NCAM2: variants seen among roughly 807,000 people sequenced by gnomAD.
The protein encoded by NCAM2 is N-CAM-2.
A neutral mutation model predicts 98.1 loss-of-function variants in NCAM2; 30 were observed. The observed-to-expected ratio is 0.31, with a 90% CI of 0.23 to 0.41. NCAM2 has a LOEUF of 0.41. Among genes scored for constraint, NCAM2 ranks in the 10% least tolerant of loss-of-function variants. The pLI is 1.00. For synonymous variants in NCAM2, 368 were observed against 342.4 expected, an observed-to-expected ratio of 1.07 and a Z score of -0.83; for missense variants, 867 against 1,005.8, an observed-to-expected ratio of 0.86 and a Z score of 1.87.
intron 1 of NCAM2, among the ~76,000 whole-genome samples, chr21:21,244,494 GT>G (rs2071185865): frequency 6.6e-6 from 1 of 151,942 alleles, no homozygotes; most frequent in African/African-American, 2.4e-5. Context: ...AAATAATTTT[GT>G]TTTTATTTGA....
At chr21:21,208,359 C>T (rs1202272223) in intron 1 of NCAM2, among the ~76,000 whole-genome samples, 1 of 152,054 alleles carries the variant, frequency 6.6e-6, no homozygotes, top group Non-Finnish European at 1.5e-5. Context: ...CTAATAAAAT[C>T]CAATCTGTAC....
chr21:21,203,614 T>C (rs527276135), intron 1 of NCAM2, among the ~76,000 whole-genome samples: 1 of 152,312 alleles, frequency 6.6e-6, no homozygotes, highest in East Asian at 1.9e-4. Flanking sequence ...TTGCATTTCC[T>C]AATACATACT....
At chr21:21,452,823 A>C (rs1444513241) in intron 12 of NCAM2, among the ~76,000 whole-genome samples, 1 of 102,892 alleles carries the variant, frequency 9.7e-6, no homozygotes, top group Non-Finnish European at 1.7e-5. Context: ...TATATTATAT[A>C]ATATATATAA....
intron 6 of NCAM2, among the ~76,000 whole-genome samples, chr21:21,328,030 A>T (rs999740220): frequency 4.6e-5 from 7 of 152,148 alleles, no homozygotes; most frequent in Non-Finnish European, 7.4e-5. Context: ...CATAAATTTA[A>T]TTTATTTTAA....
chr21:21,059,983 C>A (rs1267389535), intron 1 of NCAM2, among the ~76,000 whole-genome samples: 2 of 152,032 alleles, frequency 1.3e-5, no homozygotes, highest in African/African-American at 2.4e-5. Context: ...AAATGTCTAA[C>A]CCTGTGGATT....
At chr21:21,450,953 G>C (rs1318817602) in intron 12 of NCAM2, among the ~76,000 whole-genome samples, 3 of 144,662 alleles carry the variant, frequency 2.1e-5, no homozygotes, top group Non-Finnish European at 4.6e-5. Context: ...GGAGAAAGAA[G>C]TAGGAATATA....
chr21:21,164,333 T>G (rs987122047), intron 1 of NCAM2, among the ~76,000 whole-genome samples: 2 of 152,306 alleles, frequency 1.3e-5, no homozygotes, highest in South Asian at 2.1e-4. Context: ...TTGGAAAAAC[T>G]ATAGAAGTTT....
intron 1 of NCAM2, among the ~76,000 whole-genome samples, chr21:21,104,326 A>T (rs2146500200): frequency 6.6e-6 from 1 of 152,250 alleles, no homozygotes; most frequent in Admixed American, 6.5e-5. Flanking sequence ...TGTCAAATGC[A>T]AAATACATAG....
chr21:21,076,503 G>A (rs8128145), intron 1 of NCAM2, among the ~76,000 whole-genome samples: 32,148 of 151,992 alleles, frequency 0.21, 3,860 homozygotes, highest in African/African-American at 0.31. Context: ...CTGTCAGTTA[G>A]GTTTGAAACA....
chr21:21,492,576 C>T (rs2146311638), intron 15 of NCAM2, among the ~76,000 whole-genome samples: 1 of 151,818 alleles, frequency 6.6e-6, no homozygotes, highest in African/African-American at 2.4e-5. Context: ...TTGATAACAC[C>T]TTACTAAATT....
At chr21:21,393,786 A>C (rs1602204986) in intron 9 of NCAM2, among the ~76,000 whole-genome samples, 1 of 152,182 alleles carries the variant, frequency 6.6e-6, no homozygotes, top group Non-Finnish European at 1.5e-5. Flanking sequence ...TGATACAGCT[A>C]TTCATGAAAA....
At chr21:21,506,607 T>TA (rs959934897) in intron 15 of NCAM2, among the ~76,000 whole-genome samples, 76 of 151,322 alleles carry the variant, frequency 5.0e-4, no homozygotes, top group East Asian at 3.7e-3. Flanking sequence ...TTTTGCAAAC[T>TA]AAAAAAAAAT....
At chr21:21,220,596 C>T (rs1376801388) in intron 1 of NCAM2, among the ~76,000 whole-genome samples, 1 of 152,102 alleles carries the variant, frequency 6.6e-6, no homozygotes, top group African/African-American at 2.4e-5. Flanking sequence ...TAGTTCAGCT[C>T]CTTCAATGAA....
intron 5 of NCAM2, among the ~76,000 whole-genome samples, chr21:21,321,990 A>C (rs1175672758): frequency 1.3e-5 from 2 of 152,180 alleles, no homozygotes; most frequent in African/African-American, 4.8e-5. Context: ...AATAAATTGT[A>C]ACAGACACAT....
At chr21:21,491,058 T>C (rs1181510425) in intron 15 of NCAM2, among the ~76,000 whole-genome samples, 5 of 151,906 alleles carry the variant, frequency 3.3e-5, no homozygotes, top group Admixed American at 3.3e-4. Flanking sequence ...CTTGATCAAA[T>C]TTAATACAAA....
intron 1 of NCAM2, among the ~76,000 whole-genome samples, chr21:21,134,998 G>C (rs918672092): frequency 1.3e-4 from 20 of 151,808 alleles, no homozygotes; most frequent in Non-Finnish European, 2.9e-5. Flanking sequence ...ACTTTGGGAG[G>C]CCGAGGCGGG....
At chr21:21,221,969 G>A (rs1011994221) in intron 1 of NCAM2, among the ~76,000 whole-genome samples, 18 of 152,126 alleles carry the variant, frequency 1.2e-4, no homozygotes, top group Admixed American at 3.9e-4. Context: ...TAATGCAGCT[G>A]ATGACTAATT....
chr21:21,482,575 T>G (rs1985986402), intron 15 of NCAM2, among the ~76,000 whole-genome samples: 1 of 151,870 alleles, frequency 6.6e-6, no homozygotes, highest in Non-Finnish European at 1.5e-5. Flanking sequence ...TTTAACTTTT[T>G]GTAAACAATA....
chr21:21,235,671 A>G (rs1048287522), intron 1 of NCAM2, among the ~76,000 whole-genome samples: 2 of 152,054 alleles, frequency 1.3e-5, no homozygotes, highest in Admixed American at 1.3e-4. Flanking sequence ...GACTCATCTA[A>G]CTGAAATGCA....
Sources: allele counts gnomAD v4.1 joint callset (sites outside exome capture counted in the v4.1 genomes callset), GRCh38; gene constraint gnomAD v4.1.1; transcripts MANE v1.5; gene names NCBI Gene and HGNC (gene_info 2026-07-23, HGNC 2026-07-21).